PRR5L: variants seen among roughly 807,000 people sequenced by gnomAD.
PRR5L encodes proline rich 5 like.
In PRR5L, 21 loss-of-function variants were observed where a neutral mutation model predicts 36.4. The ratio of observed to expected loss-of-function variants is 0.58; its 90% CI spans 0.41 to 0.83. PRR5L has a LOEUF of 0.83. Ranked by LOEUF, PRR5L falls within the 40% of genes least tolerant of loss-of-function variation. PRR5L has a pLI of 0.00. For missense variants in PRR5L, 381 were observed against 473.3 expected (o/e 0.80, Z 1.81); for synonymous variants, 188 against 197.0 (o/e 0.95, Z 0.38).
chr11:36,342,034 T>C (rs936112314), intron 1 of PRR5L, among the ~76,000 whole-genome samples: 1 of 152,230 alleles, frequency 6.6e-6, no homozygotes, highest in African/African-American at 2.4e-5. Flanking sequence ...CGTCTCTGCA[T>C]AACGTCTTCA....
At chr11:36,303,845 C>T (rs907052809) in intron 1 of PRR5L, among the ~76,000 whole-genome samples, 5 of 152,240 alleles carry the variant, frequency 3.3e-5, no homozygotes, top group African/African-American at 1.2e-4. Flanking sequence ...TTAAGATCTT[C>T]TCAGGCATGA....
chr11:36,333,357 C>T (rs555674437), intron 1 of PRR5L, among the ~76,000 whole-genome samples: 4 of 152,196 alleles, frequency 2.6e-5, no homozygotes, highest in South Asian at 2.1e-4. Context: ...ACCTACCATA[C>T]GACCTGGCCA....
chr11:36,304,056 A>G (rs1281183537), intron 1 of PRR5L, among the ~76,000 whole-genome samples: 1 of 152,202 alleles, frequency 6.6e-6, no homozygotes, highest in Non-Finnish European at 1.5e-5. Flanking sequence ...ACTGTGGCCC[A>G]GGAGGGTCCT....
intron 7 of PRR5L, among the ~76,000 whole-genome samples, chr11:36,448,485 CTT>C (rs1211894548): frequency 6.6e-6 from 1 of 152,156 alleles, no homozygotes; most frequent in Non-Finnish European, 1.5e-5. Context: ...GCTCAGAACA[CTT>C]TGTCTTCTGG....
chr11:36,307,673 C>G (rs1050641304), intron 1 of PRR5L, among the ~76,000 whole-genome samples: 5 of 152,216 alleles, frequency 3.3e-5, no homozygotes, highest in African/African-American at 1.2e-4. Context: ...ACAAAAAAAT[C>G]TGAAAGAATA....
intron 3 of PRR5L, among the ~76,000 whole-genome samples, chr11:36,406,967 A>G (rs984777980): frequency 1.4e-4 from 21 of 152,178 alleles, no homozygotes; most frequent in African/African-American, 5.1e-4. Flanking sequence ...TCTTTTATGA[A>G]ATGAGGATAA....
intron 1 of PRR5L, among the ~76,000 whole-genome samples, chr11:36,374,196 A>G (rs1414153162): frequency 6.6e-6 from 1 of 151,554 alleles, no homozygotes; most frequent in Non-Finnish European, 1.5e-5. Flanking sequence ...CCCAGGTTCA[A>G]GCAATTCTCT....
intron 1 of PRR5L, among the ~76,000 whole-genome samples, chr11:36,334,567 CCT>C (rs1856750564): frequency 6.6e-6 from 1 of 152,198 alleles, no homozygotes; most frequent in Non-Finnish European, 1.5e-5. Flanking sequence ...CTTTCCCCTC[CCT>C]CTTTGCCTGG....
At chr11:36,428,699 G>A (rs1005521456) in intron 4 of PRR5L, among the ~76,000 whole-genome samples, 1 of 152,120 alleles carries the variant, frequency 6.6e-6, no homozygotes, top group African/African-American at 2.4e-5. Flanking sequence ...TTCTAGCCTC[G>A]GTTTATACAG....
At chr11:36,387,259 G>A (rs769298069) in intron 1 of PRR5L, among the ~76,000 whole-genome samples, 8 of 152,150 alleles carry the variant, frequency 5.3e-5, no homozygotes, top group Non-Finnish European at 1.2e-4. Flanking sequence ...CACACACCGG[G>A]GCCTGTCGTG....
chr11:36,453,693 A>C (rs1334454061), intron 8 of PRR5L, among the ~76,000 whole-genome samples: 1 of 152,150 alleles, frequency 6.6e-6, no homozygotes, highest in Non-Finnish European at 1.5e-5. Flanking sequence ...AGTCACAAAC[A>C]AGGCAGTGTC....
chr11:36,460,730 G>A (rs888853646), intron 8 of PRR5L, among the ~76,000 whole-genome samples: 2 of 152,232 alleles, frequency 1.3e-5, no homozygotes, highest in Non-Finnish European at 2.9e-5. Context: ...CCTGAGCACA[G>A]TCCATCTTGC....
intron 1 of PRR5L, chr11:36,376,848 G>C (rs886945419): frequency 3.9e-5 from 20 of 518,958 alleles, no homozygotes; most frequent in East Asian, 3.0e-4. Flanking sequence ...TGTCACGTTT[G>C]GGGGGGCAAC....
At chr11:36,318,780 T>C (rs1856584768) in intron 1 of PRR5L, among the ~76,000 whole-genome samples, 2 of 151,642 alleles carry the variant, frequency 1.3e-5, no homozygotes, top group South Asian at 2.1e-4. Context: ...TGAAGAGAAA[T>C]TGAGAGAAAG....
chr11:36,361,412 A>G (rs1857086411), intron 1 of PRR5L, among the ~76,000 whole-genome samples: 1 of 152,232 alleles, frequency 6.6e-6, no homozygotes, highest in African/African-American at 2.4e-5. Flanking sequence ...TTTTAAAATT[A>G]TTTTTAAATC....
intron 6 of PRR5L, among the ~76,000 whole-genome samples, chr11:36,442,904 C>T (rs1858752003): frequency 6.6e-6 from 1 of 152,106 alleles, no homozygotes; most frequent in Non-Finnish European, 1.5e-5. Flanking sequence ...TTTTTGTCAT[C>T]TTTTGAGCCC....
intron 3 of PRR5L, among the ~76,000 whole-genome samples, chr11:36,409,364 C>G (rs1857978032): frequency 6.6e-6 from 1 of 152,214 alleles, no homozygotes; most frequent in Non-Finnish European, 1.5e-5. Flanking sequence ...CTTCTCTCTC[C>G]AACCACCCTG....
chr11:36,302,518 G>A (rs1251460259), intron 1 of PRR5L, among the ~76,000 whole-genome samples: 1 of 152,162 alleles, frequency 6.6e-6, no homozygotes, highest in Admixed American at 6.5e-5. Flanking sequence ...GGGTGCGGGG[G>A]CTCACACCTG....
intron 1 of PRR5L, among the ~76,000 whole-genome samples, chr11:36,351,960 C>G (rs116599838): frequency 0.06 from 9,025 of 151,416 alleles, 307 homozygotes; most frequent in Middle Eastern, 0.088. Flanking sequence ...ATTATTAGAT[C>G]AAATGGTAGT....
Sources: gnomAD v4.1 joint callset for allele counts (sites outside exome capture counted in the v4.1 genomes callset) on GRCh38, gnomAD v4.1.1 for gene constraint, MANE v1.5 for transcripts, NCBI Gene and HGNC (gene_info 2026-07-23, HGNC 2026-07-21) for gene names.